PDZRN3: variants seen among roughly 807,000 people sequenced by gnomAD.
PDZRN3 encodes the protein PDZ domain containing ring finger 3.
In PDZRN3, 38 loss-of-function variants were observed where a neutral mutation model predicts 85.7. The ratio of observed to expected loss-of-function variants is 0.44; its 90% CI spans 0.34 to 0.58. The LOEUF is 0.58. PDZRN3 is among the 20% of genes least tolerant of loss of function. The probability of loss-of-function intolerance (pLI) is 0.01; values close to 1 mark genes in which losing one functional copy is unlikely to be tolerated. For missense variants in PDZRN3, 1,629 were observed against 1,506.4 expected, an observed-to-expected ratio of 1.08 and a Z score of -1.35; for synonymous variants, 759 against 638.0, an observed-to-expected ratio of 1.19 and a Z score of -2.86.
chr3:73,620,725 C>G (rs542267726), intron 1 of PDZRN3, among the ~76,000 whole-genome samples: 602 of 152,148 alleles, frequency 4.0e-3, no homozygotes, highest in Non-Finnish European at 6.0e-3. Flanking sequence ...TACAGGTGCC[C>G]GCCACCGCGC....
chr3:73,537,455 C>T (rs973133210), intron 3 of PDZRN3, among the ~76,000 whole-genome samples: 2 of 152,132 alleles, frequency 1.3e-5, no homozygotes, highest in Non-Finnish European at 2.9e-5. Context: ...TGGCTTAAAC[C>T]TGTGACACTA....
chr3:73,399,090 T>C (rs1182424690), intron 5 of PDZRN3, among the ~76,000 whole-genome samples: 3 of 152,136 alleles, frequency 2.0e-5, no homozygotes, highest in Non-Finnish European at 4.4e-5. Flanking sequence ...CGGGGGGCTG[T>C]AGGTTCCATC....
intron 3 of PDZRN3, among the ~76,000 whole-genome samples, chr3:73,484,552 A>AG (rs1393403849): frequency 2.0e-5 from 3 of 152,226 alleles, no homozygotes; most frequent in African/African-American, 7.2e-5. Context: ...GAAGAAGATA[A>AG]ACTATAGCAC....
chr3:73,592,431 C>A (rs1452870273), intron 3 of PDZRN3, among the ~76,000 whole-genome samples: 1 of 151,926 alleles, frequency 6.6e-6, no homozygotes, highest in Non-Finnish European at 1.5e-5. Context: ...CTCCCGATCC[C>A]TGAAAGCTGT....
intron 3 of PDZRN3, among the ~76,000 whole-genome samples, chr3:73,420,606 T>C (rs1260591750): frequency 6.6e-6 from 1 of 152,252 alleles, no homozygotes; most frequent in Non-Finnish European, 1.5e-5. Context: ...TCTCTGAAGA[T>C]GTCCACATAA....
Position 73,383,128 on chromosome 3 carries a change from T to C in PDZRN3, c.*237A>G. 2.2e-6 allele frequency: 1 copy of C among 456,478 alleles called. No individual in the cohort carries two copies. The highest frequency in any genetic ancestry group is 3.8e-6 in the Non-Finnish European group (1 of 261,936). 28.3% of individuals were successfully genotyped at this position (456,478 alleles called of 1,614,324 possible). On this transcript the variant is annotated 3_prime_UTR_variant, in exon 10 of 10. Transcript: ENST00000263666. ...AAGGGTACAGGTAGAAAAGTACAAT[T>C]GCTATTTGAAAAAAGCTCTGTTTGT...
intron 3 of PDZRN3, among the ~76,000 whole-genome samples, chr3:73,429,461 T>C (rs927831687): frequency 7.3e-6 from 1 of 137,798 alleles, no homozygotes; most frequent in South Asian, 2.2e-4. Flanking sequence ...CAGAGTCTCT[T>C]TGCTCTACAG....
At chr3:73,607,318 A>T (rs930808831) in intron 2 of PDZRN3, among the ~76,000 whole-genome samples, 3 of 152,234 alleles carry the variant, frequency 2.0e-5, no homozygotes, top group African/African-American at 7.2e-5. Flanking sequence ...TACTGTGTAC[A>T]CATTATATAT....
At chr3:73,622,323 G>A (rs916482818) in intron 1 of PDZRN3, among the ~76,000 whole-genome samples, 16 of 152,338 alleles carry the variant, frequency 1.1e-4, no homozygotes, top group East Asian at 1.9e-4. Flanking sequence ...TGGTGTGCAC[G>A]TAAGGAAAGG....
At chr3:73,414,695 G>A (rs1559666169) in intron 3 of PDZRN3, among the ~76,000 whole-genome samples, 1 of 152,202 alleles carries the variant, frequency 6.6e-6, no homozygotes, top group African/African-American at 2.4e-5. Context: ...ACCAGTGAAT[G>A]TTGATAGAAT....
rs755119008 is a variant in PDZRN3, at chr3:73,389,887, C to T, written c.1354-9G>A. The T allele has an allele frequency of 1.9e-5, 30 of 1,610,038 alleles. No homozygotes were observed. Among genetic ancestry groups the T allele is most frequent in the Non-Finnish European group, 2.4e-5 (28 of 1,176,260 alleles). ...ATGCTGTTAGGGTCAATCTGAAACA[C>T]ACATGGACCATCTCAGCGCAAACGC... is the stretch of plus-strand genomic sequence containing the variant. On this transcript the variant is annotated splice_polypyrimidine_tract_variant and intron_variant, in intron 6 of 9. Coordinates refer to ENST00000263666, the MANE Select transcript of PDZRN3 (RefSeq NM_015009.3).
At chr3:73,542,798 A>G (rs1266970109) in intron 3 of PDZRN3, among the ~76,000 whole-genome samples, 1 of 152,084 alleles carries the variant, frequency 6.6e-6, no homozygotes, top group African/African-American at 2.4e-5. Flanking sequence ...AAAATAAAAT[A>G]AAAATAAAAA....
At chr3:73,528,764 G>T (rs1446301874) in intron 3 of PDZRN3, among the ~76,000 whole-genome samples, 1 of 152,118 alleles carries the variant, frequency 6.6e-6, no homozygotes, top group African/African-American at 2.4e-5. Flanking sequence ...TATTGGTAAA[G>T]AATTTCTTGT....
intron 3 of PDZRN3, among the ~76,000 whole-genome samples, chr3:73,533,056 T>C (rs1704696200): frequency 6.6e-6 from 1 of 152,212 alleles, no homozygotes; most frequent in African/African-American, 2.4e-5. Flanking sequence ...TTTACGTCCA[T>C]AGGTTTCATA....
At chr3:73,399,926 G>A (rs188849504) in intron 5 of PDZRN3, among the ~76,000 whole-genome samples, 7 of 152,284 alleles carry the variant, frequency 4.6e-5, no homozygotes, top group Admixed American at 1.3e-4. Context: ...CTTGGAATGA[G>A]AACTCTTGGT....
intron 3 of PDZRN3, among the ~76,000 whole-genome samples, chr3:73,561,997 T>A (rs2106830460): frequency 6.6e-6 from 1 of 152,212 alleles, no homozygotes; most frequent in South Asian, 2.1e-4. Flanking sequence ...AAGATACATC[T>A]GCTCCTTAAA....
chr3:73,466,445 T>G (rs1346674664), intron 3 of PDZRN3, among the ~76,000 whole-genome samples: 2 of 152,170 alleles, frequency 1.3e-5, no homozygotes, highest in Non-Finnish European at 2.9e-5. Context: ...CTCCAAGAGT[T>G]GGTGATGAAA....
chr3:73,546,717 CA>C (rs923999133), intron 3 of PDZRN3, among the ~76,000 whole-genome samples: 2 of 152,206 alleles, frequency 1.3e-5, no homozygotes, highest in African/African-American at 4.8e-5. Flanking sequence ...ACATATAACA[CA>C]AAATGTGTAT....
chr3:73,563,781 C>T (rs2106835828), intron 3 of PDZRN3, among the ~76,000 whole-genome samples: 1 of 152,302 alleles, frequency 6.6e-6, no homozygotes, highest in South Asian at 2.1e-4. Context: ...TTACAACATC[C>T]TATGAGGTAT....
Sources: allele counts gnomAD v4.1 joint callset (sites outside exome capture counted in the v4.1 genomes callset), GRCh38; gene constraint gnomAD v4.1.1; transcripts MANE v1.5; gene names NCBI Gene and HGNC (gene_info 2026-07-23, HGNC 2026-07-21).